Variants in ZNF385C observed in about 807,000 individuals in gnomAD.
ZNF385C encodes CTD-2132N18.2.
A neutral mutation model predicts 35.4 loss-of-function variants in ZNF385C; 28 were observed. The ratio of observed to expected loss-of-function variants is 0.79; its 90% CI spans 0.59 to 1.08. ZNF385C has a LOEUF of 1.08. ZNF385C is among the 50% of genes least tolerant of loss of function. The pLI is 0.00. For synonymous variants in ZNF385C, 248 were observed against 248.2 expected (o/e 1.00, Z 0.01); for missense variants, 605 against 595.6 (o/e 1.02, Z -0.16).
At chr17:42,029,197 C>T (rs944528970) in intron 5 of ZNF385C, 124 bp from the exon 6 acceptor site, 1 of 1,162,872 alleles carries the variant, frequency 8.6e-7, no homozygotes. Context: ...CCAGGCCCCA[C>T]TTTTCTACCA....
rs540664729 is a variant in ZNF385C at position 42,034,328 on chromosome 17, G to A, written c.407C>T (p.Pro136Leu). 5.2e-5 allele frequency: 81 copies of A among 1,550,366 alleles called. 1 individual carries two copies. In the East Asian group the frequency reaches 6.4e-4, roughly 12 times the overall value. ...SLFPNFSTMD[P>L]VQKAVISHTF... The stretch of plus-strand genomic sequence containing the variant: ...GTGGCTGATGACAGCTTTCTGGACC[G>A]GGTCCATCTGTGAAGGGAGTGGGAG... The change falls in exon 4 of 9, where the codon CCG becomes CTG. Residue 136 changes from proline (P) to leucine (L), a missense_variant. Physicochemically the swap from Pro to Leu is moderately conservative, Grantham distance 98. Transcript: ENST00000692273.
intron 1 of ZNF385C, among the ~76,000 whole-genome samples, chr17:42,087,121 A>C (rs1418103712): frequency 2.6e-5 from 4 of 152,186 alleles, no homozygotes; most frequent in African/African-American, 7.2e-5. Flanking sequence ...TGTATACTTA[A>C]GCCTTAATAC....
At chr17:42,027,785 C>T in intron 7 of ZNF385C, 57 bp from the exon 8 acceptor site, 1 of 1,544,042 alleles carries the variant, frequency 6.5e-7, no homozygotes, top group Non-Finnish European at 8.9e-7. Flanking sequence ...GACCCCAAGA[C>T]CATCATCCTC....
At chr17:42,054,743 A>G (rs1189355356) in intron 2 of ZNF385C, among the ~76,000 whole-genome samples, 2 of 151,888 alleles carry the variant, frequency 1.3e-5, no homozygotes, top group African/African-American at 4.8e-5. Flanking sequence ...CACCATGCCC[A>G]GCTAATTTTT....
At chr17:42,061,638 G>A (rs1282135889) in intron 2 of ZNF385C, 12 of 152,350 alleles carry the variant, frequency 7.9e-5, no homozygotes, top group Admixed American at 7.9e-4. Flanking sequence ...GGGTGGGGAG[G>A]AGCTGGTCCC....
In ZNF385C at chr17:42,034,344, G is replaced by A; in HGVS notation, c.400-9C>T. ...TTCTGGACCGGGTCCATCTGTGAAG[G>A]GAGTGGGAGGGCATAATAACTCTGG... On this transcript the variant is annotated splice_polypyrimidine_tract_variant and intron_variant, in intron 3 of 8. Coordinates refer to ENST00000692273, the MANE Select transcript of ZNF385C (RefSeq NM_001392013.1). The A allele has an allele frequency of 6.5e-7, 1 of 1,547,276 alleles. No individual in the cohort carries two copies. Among genetic ancestry groups the A allele is most frequent in the Non-Finnish European group, 8.7e-7 (1 of 1,144,242 alleles).
At chr17:42,084,903 C>T (rs1567996901) in intron 1 of ZNF385C, among the ~76,000 whole-genome samples, 1 of 152,136 alleles carries the variant, frequency 6.6e-6, no homozygotes, top group Non-Finnish European at 1.5e-5. Flanking sequence ...AGGTGTGAGC[C>T]ACCATGGCTG....
chr17:42,028,005 C>G (rs782451690), intron 7 of ZNF385C, 45 bp downstream of exon 7: 1 of 1,593,544 alleles, frequency 6.3e-7, no homozygotes, highest in African/African-American at 1.3e-5. Context: ...GCCCCCCAAC[C>G]CCCTCCCCTG....
intron 2 of ZNF385C, among the ~76,000 whole-genome samples, chr17:42,055,093 C>G (rs541428347): frequency 1.1e-4 from 16 of 152,250 alleles, no homozygotes; most frequent in Middle Eastern, 3.4e-3. Context: ...GCCCAGGTCC[C>G]GATGCTAGCC....
intron 2 of ZNF385C, among the ~76,000 whole-genome samples, chr17:42,048,805 T>C (rs1395758394): frequency 2.0e-5 from 3 of 152,134 alleles, no homozygotes; most frequent in Non-Finnish European, 4.4e-5. Flanking sequence ...ACGAGTGCAG[T>C]TGCTTCCTGA....
rs2143635537 is a variant in ZNF385C, at chr17:42,039,789, C to T, written c.251-1904G>A. The T allele has an allele frequency of 5.7e-6, 7 of 1,228,712 alleles. No individual in the cohort carries two copies. The South Asian group carries it at 2.1e-4, about 36-fold the overall frequency. The allele number at this position is 1,228,712 out of a possible 1,614,324, so 76.1% of individuals were successfully genotyped here. ...CCAACCCGAAGTCAAACTCGTGCAG[C>T]GGGGGCCCATCCACTGCGATCTTCA... On this transcript the variant is annotated intron_variant, in intron 2 of 8. Coordinates refer to ENST00000692273, the MANE Select transcript of ZNF385C (RefSeq NM_001392013.1).
chr17:42,063,729 A>C (rs73309793), intron 1 of ZNF385C, among the ~76,000 whole-genome samples: 25,637 of 152,102 alleles, frequency 0.17, 2,308 homozygotes, highest in Middle Eastern at 0.28. Context: ...AGGCCAGCTG[A>C]GTCACATTTG....
intron 2 of ZNF385C, among the ~76,000 whole-genome samples, chr17:42,046,644 G>C (rs1211119573): frequency 6.6e-6 from 1 of 151,812 alleles, no homozygotes; most frequent in South Asian, 2.1e-4. Flanking sequence ...ATAAAAATAC[G>C]AGAGGCCAAG....
chr17:42,028,689 G>T (rs1317278870), intron 6 of ZNF385C, 94 bp downstream of exon 6: 49 of 1,436,390 alleles, frequency 3.4e-5, no homozygotes, highest in Non-Finnish European at 4.4e-5. Flanking sequence ...CAACCCTTGA[G>T]CGAAGCACCC....
At chr17:42,032,734 C>A (rs182119816) in intron 4 of ZNF385C, among the ~76,000 whole-genome samples, 1 of 149,842 alleles carries the variant, frequency 6.7e-6, no homozygotes, top group Non-Finnish European at 1.5e-5. Flanking sequence ...TTTTTTGAGA[C>A]GGAATCTCGC....
At chr17:42,077,720 C>T (rs1389591324) in intron 1 of ZNF385C, among the ~76,000 whole-genome samples, 12 of 152,144 alleles carry the variant, frequency 7.9e-5, no homozygotes, top group Admixed American at 2.0e-4. Flanking sequence ...GGGGCTAGGA[C>T]GGGTGGCGTC....
At chr17:42,065,627 T>TG (rs1488034847) in intron 1 of ZNF385C, among the ~76,000 whole-genome samples, 6 of 152,196 alleles carry the variant, frequency 3.9e-5, no homozygotes, top group Non-Finnish European at 5.9e-5. Flanking sequence ...GTGACAAGTG[T>TG]GGGGACTGTG....
At chr17:42,059,180 C>T (rs1438745971) in intron 2 of ZNF385C, among the ~76,000 whole-genome samples, 3 of 152,196 alleles carry the variant, frequency 2.0e-5, no homozygotes, top group Non-Finnish European at 2.9e-5. Context: ...GCCTTAGGCA[C>T]AGCTATCACT....
At chr17:42,034,885 G>C (rs2052811375) in intron 3 of ZNF385C, among the ~76,000 whole-genome samples, 1 of 151,818 alleles carries the variant, frequency 6.6e-6, no homozygotes, top group Non-Finnish European at 1.5e-5. Flanking sequence ...CCATCACTTT[G>C]GGAGGCCAAG....
Sources: gnomAD v4.1 joint callset for allele counts (sites outside exome capture counted in the v4.1 genomes callset) on GRCh38, gnomAD v4.1.1 for gene constraint, MANE v1.5 for transcripts, NCBI Gene and HGNC (gene_info 2026-07-23, HGNC 2026-07-21) for gene names.